The following CD44 variants were observed in gnomAD, a reference collection of about 807,000 sequenced individuals.
The protein encoded by CD44 is CD44 antigen.
In CD44, 49 loss-of-function variants were observed where a neutral mutation model predicts 88.8. The ratio of observed to expected loss-of-function variants is 0.55; its 90% CI spans 0.44 to 0.70. The LOEUF (loss-of-function observed/expected upper bound fraction) is 0.70, where lower values mean the gene tolerates loss of function less well. CD44 is among the 30% of genes least tolerant of loss of function. The pLI is 0.00. For synonymous variants in CD44, 325 were observed against 312.3 expected (o/e 1.04, Z -0.43); for missense variants, 883 against 913.8 (o/e 0.97, Z 0.43).
In CD44 at chr11:35,212,133, A is replaced by AGT. The variant is rs536980890; in HGVS notation, c.1810+685_1810+686dup. ...AATAAGTCTTTTTTTTTCTCAAATAAGTAGTCATCTCTGCTTCTGCTTTTC... is the reference window on the plus strand; with the variant it reads ...AATAAGTCTTTTTTTTTCTCAAATAAGTGTAGTCATCTCTGCTTCTGCTTTTC... On this transcript the variant is annotated intron_variant, in intron 14 of 17. Transcript: ENST00000428726. Among the ~76,000 whole-genome samples the AGT allele has an allele frequency of 2.8e-4, 42 of 152,282 alleles. 1 individual carries two copies. The East Asian group carries it at 7.1e-3, about 26-fold the overall frequency.
chr11:35,195,500 G>T (rs1219198888), intron 5 of CD44, among the ~76,000 whole-genome samples: 1 of 151,984 alleles, frequency 6.6e-6, no homozygotes, highest in Non-Finnish European at 1.5e-5. Flanking sequence ...ATAGGACAAA[G>T]AATGTGAAGG....
At chr11:35,213,698 G>GTGGAGATGGTGA (rs200804080) in intron 14 of CD44, 9,894 of 152,284 alleles carry the variant, frequency 0.065, 368 homozygotes, top group Middle Eastern at 0.092. Context: ...AGTGGTGGTG[G>GTGGAGATGGTGA]TGGTGATGGT....
chr11:35,139,529 T>G (rs3751031), intron 1 of CD44, 159 bp downstream of exon 1: 1 of 779,562 alleles, frequency 1.3e-6, no homozygotes, highest in South Asian at 1.4e-5. Context: ...GGATTTGCGC[T>G]AAACCGTTGG....
intron 1 of CD44, among the ~76,000 whole-genome samples, chr11:35,146,756 G>A (rs1247787447): frequency 6.6e-6 from 1 of 152,138 alleles, no homozygotes; most frequent in Admixed American, 6.5e-5. Context: ...TTAAGATATC[G>A]AGGCACCCTA....
chr11:35,171,534 C>T (rs141110107), intron 1 of CD44, among the ~76,000 whole-genome samples: 24 of 152,300 alleles, frequency 1.6e-4, no homozygotes, highest in African/African-American at 5.8e-4. Flanking sequence ...CTGTTTCATC[C>T]TGTCTTGGCT....
In CD44 at chr11:35,168,455, T is replaced by C. The variant is rs993208463; in HGVS notation, c.68-8120T>C. Among the ~76,000 whole-genome samples the C allele has an allele frequency of 3.9e-5, 6 of 152,150 alleles. No individual in the cohort carries two copies. In the East Asian group the frequency reaches 1.2e-3, roughly 29 times the overall value. ...TAGGAAAATTAAGTGAAATATTAGGTGTAAAGTGCTGAATACCTTGAACCC... is the reference window on the plus strand; with the variant it reads ...TAGGAAAATTAAGTGAAATATTAGGCGTAAAGTGCTGAATACCTTGAACCC... On this transcript the variant is annotated intron_variant, in intron 1 of 17. Coordinates refer to ENST00000428726, the MANE Select transcript of CD44 (RefSeq NM_000610.4).
At chr11:35,161,523 G>C (rs149486219) in intron 1 of CD44, among the ~76,000 whole-genome samples, 1 of 152,240 alleles carries the variant, frequency 6.6e-6, no homozygotes, top group Non-Finnish European at 1.5e-5. Flanking sequence ...CAAGCGTTCA[G>C]AGGGCTTGGG....
At chr11:35,223,006 G>A (rs993912815) in intron 17 of CD44, 1 of 985,250 alleles carries the variant, frequency 1.0e-6, no homozygotes, top group African/African-American at 1.7e-5. Context: ...AATTATCTGA[G>A]AAAATCAAAT....
Position 35,211,449 on chromosome 11 carries a change from G to T in CD44, c.1810G>T (p.Gly604Ter). The T allele has an allele frequency of 6.2e-7, 1 of 1,611,214 alleles. No homozygotes were observed. The highest frequency in any genetic ancestry group is 1.1e-5 in the South Asian group (1 of 91,008). The change falls in exon 14 of 18, where the codon GGA becomes TGA. Residue 604 changes from glycine to a stop codon, truncating the protein, a stop_gained and splice_region_variant. Transcript: ENST00000428726. LOFTEE classifies it high-confidence loss of function. Reference protein sequence around the residue: ...SNSNVNRSLSGDQDTFHPSGG... With the variant: ...SNSNVNRSLS ...CTCTAATGTCAATCGTTCCTTATCA[G>T]GTAATTTGGCATTTATTATCTAGTT... is the stretch of plus-strand genomic sequence containing the variant.
intron 15 of CD44, 56 bp downstream of exon 15, chr11:35,214,970 AC>A: frequency 3.6e-6 from 4 of 1,101,940 alleles, no homozygotes; most frequent in Non-Finnish European, 5.1e-6. Context: ...CCTAATGATG[AC>A]TACCAACGAA....
intron 1 of CD44, among the ~76,000 whole-genome samples, chr11:35,168,871 G>T (rs964920983): frequency 9.2e-5 from 14 of 152,242 alleles, no homozygotes; most frequent in African/African-American, 3.4e-4. Context: ...GCCCTGTGAT[G>T]GTATGTGAAC....
At chr11:35,181,670 A>ATATATATATATT (rs1491453344) in intron 3 of CD44, among the ~76,000 whole-genome samples, 10 of 129,764 alleles carry the variant, frequency 7.7e-5, no homozygotes, top group African/African-American at 2.9e-4. Flanking sequence ...ATACATATAC[A>ATATATATATATT]TATATATATA....
chr11:35,197,513 A>G (rs1946872809), intron 6 of CD44: 1 of 152,386 alleles, frequency 6.6e-6, no homozygotes, highest in African/African-American at 2.4e-5. Context: ...AATAATGCCA[A>G]AAATGATTTC....
chr11:35,183,704 T>C (rs1170734868), intron 3 of CD44, among the ~76,000 whole-genome samples: 2 of 152,188 alleles, frequency 1.3e-5, no homozygotes, highest in Non-Finnish European at 1.5e-5. Context: ...TGATTTTTTT[T>C]CCCTCATTTT....
intron 3 of CD44, among the ~76,000 whole-genome samples, chr11:35,185,712 G>T (rs1945603646): frequency 6.6e-6 from 1 of 152,088 alleles, no homozygotes; most frequent in Admixed American, 6.6e-5. Context: ...CACACACACA[G>T]AATAAAAGCT....
In CD44 at chr11:35,206,136, C is replaced by T. The variant is rs1947815909; in HGVS notation, c.1307C>T (p.Pro436Leu). Residue 436 changes from proline (P) to leucine (L), a missense_variant, in exon 11 of 18, where the codon CCA becomes CTA. Pro to Leu is a moderately conservative substitution (Grantham distance 98). Coordinates refer to ENST00000428726, the MANE Select transcript of CD44 (RefSeq NM_000610.4). ...TAAASAHTSH[P>L]MQGRTTPSPE... ...GCAGCCTCAGCTCATACCAGCCATC[C>T]AATGCAAGGAAGGACAACACCAAGC... is the stretch of plus-strand genomic sequence containing the variant. 2 of 1,610,364 alleles carry T rather than the reference C, an allele frequency of 1.2e-6. No individual in the cohort carries two copies. The highest frequency in any genetic ancestry group is 1.1e-5 in the South Asian group (1 of 90,488).
chr11:35,226,940 G>A (rs533523310), intron 17 of CD44, among the ~76,000 whole-genome samples: 12 of 137,112 alleles, frequency 8.8e-5, no homozygotes, highest in Middle Eastern at 4.1e-3. Flanking sequence ...GCTGGAGTGC[G>A]GTGATGCAAT....
Position 35,221,799 on chromosome 11 carries a change from T to C in CD44, c.2024+67T>C, listed in dbSNP as rs541545598. The C allele has an allele frequency of 2.0e-5, 28 of 1,385,154 alleles. 1 individual carries two copies. The South Asian group carries it at 3.2e-4, about 16-fold the overall frequency. 85.8% of individuals were successfully genotyped at this position (1,385,154 alleles called of 1,614,324 possible). A position where few individuals can be genotyped will look rare whatever the true frequency, so the allele number is the denominator to read the frequency against. ...CATTTAAACCTGGGCTTTATATCCT[T>C]GCTGCTCAGAGCGTAGTCCCTGGAA... On this transcript the variant is annotated intron_variant, in intron 17 of 17. Transcript: ENST00000428726.
At chr11:35,209,158 T>C (rs1011989989) in intron 12 of CD44, among the ~76,000 whole-genome samples, 4 of 152,182 alleles carry the variant, frequency 2.6e-5, no homozygotes, top group Non-Finnish European at 5.9e-5. Context: ...GCATGGCTTA[T>C]GGGTGTGCTT....
Sources: gnomAD v4.1 joint callset for allele counts (sites outside exome capture counted in the v4.1 genomes callset) on GRCh38, gnomAD v4.1.1 for gene constraint, MANE v1.5 for transcripts, NCBI Gene and HGNC (gene_info 2026-07-23, HGNC 2026-07-21) for gene names.